The following TTC19 variants were observed in gnomAD, a reference collection of about 807,000 sequenced individuals.
TTC19 encodes the protein tetratricopeptide repeat domain 19, also known as tetratricopeptide repeat protein 19, mitochondrial.
In TTC19, 38 loss-of-function variants were observed where a neutral mutation model predicts 49.5. The observed-to-expected ratio is 0.77, with a 90% confidence interval of 0.59 to 1.01. The LOEUF is 1.01. TTC19 is among the 50% of genes least tolerant of loss of function. The pLI is 0.00. For synonymous variants in TTC19, 204 were observed against 185.2 expected, an observed-to-expected ratio of 1.10 and a Z score of -0.83; for missense variants, 475 against 477.7, an observed-to-expected ratio of 0.99 and a Z score of 0.05.
Position 16,027,775 on chromosome 17 carries a change from T to C in TTC19, c.*253T>C. On this transcript the variant is annotated 3_prime_UTR_variant, in exon 10 of 10. Coordinates refer to ENST00000261647, the MANE Select transcript of TTC19 (RefSeq NM_017775.4). Reference sequence around the variant, plus strand: ...ATGCTTTCAGTTGTAACACGTGACTTGGTGCTGTCCCTGCTGGTCTAAGTA... The same window carrying C: ...ATGCTTTCAGTTGTAACACGTGACTCGGTGCTGTCCCTGCTGGTCTAAGTA... 1 of 561,608 alleles carries C rather than the reference T, an allele frequency of 1.8e-6. No individual in the cohort carries two copies. The highest frequency in any genetic ancestry group is 3.4e-6 in the Non-Finnish European group (1 of 295,684). The allele number at this position is 561,608 out of a possible 1,614,324, so 34.8% of individuals were successfully genotyped here.
At chr17:16,016,184 T>C (rs956979951) in intron 7 of TTC19, among the ~76,000 whole-genome samples, 2 of 152,234 alleles carry the variant, frequency 1.3e-5, no homozygotes, top group Non-Finnish European at 2.9e-5. Flanking sequence ...CTGCATCTCA[T>C]TAATTTTGGT....
At chr17:16,004,314 G>A (rs749738146) in intron 6 of TTC19, 52 bp downstream of exon 6, 24 of 1,527,258 alleles carry the variant, frequency 1.6e-5, no homozygotes, top group Middle Eastern at 1.7e-4. Context: ...TTTGACTCTG[G>A]GATGTTACAT....
intron 7 of TTC19, chr17:16,023,351 CTTTTG>C (rs921771268): frequency 3.3e-5 from 5 of 152,132 alleles, no homozygotes; most frequent in African/African-American, 4.8e-5. Flanking sequence ...TATTCTTGTA[CTTTTG>C]TTTTACTACT....
intron 2 of TTC19, among the ~76,000 whole-genome samples, chr17:16,036,092 T>C (rs1198881422): frequency 6.6e-6 from 1 of 152,268 alleles, no homozygotes; most frequent in Admixed American, 6.5e-5. Flanking sequence ...TTATGAAATG[T>C]ATTTCTTAAA....
In TTC19 at chr17:16,012,021, CTT is replaced by C. The variant is rs376780749; in HGVS notation, c.676+5463_676+5464del. ...TTCTTTGATAAACAGTGAGGTTTATCTTTTTTTTTTTCTCACCATGTCTTAGG... is the reference window on the plus strand; with the variant it reads ...TTCTTTGATAAACAGTGAGGTTTATCTTTTTTTTTCTCACCATGTCTTAGG... On this transcript the variant is annotated intron_variant, in intron 7 of 9. Transcript: ENST00000261647. Among the ~76,000 whole-genome samples, 3 of 146,630 alleles carry C rather than the reference CTT, an allele frequency of 2.0e-5. No individual in the cohort carries two copies. In the South Asian group the frequency reaches 6.5e-4, roughly 32 times the overall value.
At chr17:16,035,675 G>A (rs1220835652) in intron 2 of TTC19, among the ~76,000 whole-genome samples, 1 of 151,696 alleles carries the variant, frequency 6.6e-6, no homozygotes. Flanking sequence ...CCAAGTAGCT[G>A]GGACCACAGG....
intron 7 of TTC19, among the ~76,000 whole-genome samples, chr17:16,016,447 T>A (rs907091186): frequency 6.6e-6 from 1 of 152,174 alleles, no homozygotes; most frequent in African/African-American, 2.4e-5. Context: ...GAGAAGTATG[T>A]GTATTCTGTT....
At chr17:16,041,085 C>T (rs1352833994) in intron 2 of TTC19, 1 of 152,560 alleles carries the variant, frequency 6.6e-6, no homozygotes, top group Non-Finnish European at 1.5e-5. Context: ...AAAGCCACCA[C>T]AGTGAATACT....
intron 4 of TTC19, among the ~76,000 whole-genome samples, chr17:16,003,414 C>T (rs1434600248): frequency 8.1e-6 from 1 of 122,960 alleles, no homozygotes; most frequent in Non-Finnish European, 1.7e-5. Context: ...CAACACTTGG[C>T]TAATTTTCTT....
Position 16,003,812 on chromosome 17 carries a change from C to A in TTC19, c.463-19C>A, listed in dbSNP as rs1389978740. 9.3e-6 allele frequency: 15 copies of A among 1,610,114 alleles called. No homozygotes were observed. The highest frequency in any genetic ancestry group is 2.2e-5 in the East Asian group (1 of 44,858). ...AATGGGGCCCAATTAAAAGAAAAAT[C>A]TTTTCCTTATGCTTTTAGGCTGAAC... On this transcript the variant is annotated intron_variant, in intron 4 of 9. Transcript: ENST00000261647.
At chr17:16,012,350 C>T (rs1021345137) in intron 7 of TTC19, among the ~76,000 whole-genome samples, 3 of 151,934 alleles carry the variant, frequency 2.0e-5, no homozygotes, top group Non-Finnish European at 2.9e-5. Context: ...CATGGTGTTG[C>T]GCACTTGTAG....
In TTC19 at chr17:16,006,513, A is replaced by C; in HGVS notation, c.621A>C (p.Ser207=). The change falls in exon 7 of 10, where the codon TCA becomes TCC. Residue 207 remains serine (S), a synonymous_variant. Transcript: ENST00000261647. ...TTGCTGGCTATGAATTCTGCATTTC[A>C]ACTCTAGAGGAAAAAATTGAAAGAG... ...FAVAGYEFCI[S]TLEEKIEREK... 1 of 1,613,904 alleles carries C rather than the reference A, an allele frequency of 6.2e-7. No individual in the cohort carries two copies. Among genetic ancestry groups the C allele is most frequent in the Non-Finnish European group, 8.5e-7 (1 of 1,179,830 alleles).
At chr17:16,014,823 T>C (rs1375114671) in intron 7 of TTC19, among the ~76,000 whole-genome samples, 3 of 152,196 alleles carry the variant, frequency 2.0e-5, no homozygotes, top group African/African-American at 7.2e-5. Flanking sequence ...CCACCCTTTA[T>C]AAAATTAGTT....
chr17:16,044,800 C>T (rs2058383483), exon 3 of TTC19: 2 of 1,118,810 alleles, frequency 1.8e-6, no homozygotes, highest in Admixed American at 3.4e-5. Flanking sequence ...GGAGCCTCAT[C>T]TACAATGTAG....
At chr17:16,002,895 GTAAGAGTACAGGC>G in intron 4 of TTC19, 64 bp downstream of exon 4, 1 of 1,453,346 alleles carries the variant, frequency 6.9e-7, no homozygotes, top group Non-Finnish European at 9.7e-7. Context: ...AACTGTAATA[GTAAGAGTACAGGC>G]TAAGCTGCTA....
Position 16,003,722 on chromosome 17 carries a change from G to A in TTC19, c.463-109G>A, listed in dbSNP as rs1350969498. ...TGAGTGTGCGTGTGTGTGGGTATAT[G>A]GGTTTTACAAGGAATGTTGCATCAG... is the stretch of plus-strand genomic sequence containing the variant. On this transcript the variant is annotated intron_variant, in intron 4 of 9. Coordinates refer to ENST00000261647, the MANE Select transcript of TTC19 (RefSeq NM_017775.4). 2.1e-5 allele frequency: 21 copies of A among 987,504 alleles called. 2 individuals carry two copies. The East Asian group carries it at 5.3e-4, about 25-fold the overall frequency. 61.2% of individuals were successfully genotyped at this position (987,504 alleles called of 1,614,324 possible). A position where few individuals can be genotyped will look rare whatever the true frequency, so the allele number is the denominator to read the frequency against.
intron 2 of TTC19, chr17:16,035,086 A>G: frequency 1.3e-6 from 1 of 771,010 alleles, no homozygotes. Flanking sequence ...ATGAAATAAA[A>G]TACTACAGGC....
At position 16,027,931 on chromosome 17, in the gene TTC19, C is replaced by T. The variant is rs1229413043; in HGVS notation, c.*409C>T. The T allele has an allele frequency of 2.2e-6, 1 of 455,374 alleles. No homozygotes were observed. Among genetic ancestry groups the T allele is most frequent in the East Asian group, 6.9e-5 (1 of 14,562 alleles). The allele number at this position is 455,374 out of a possible 1,614,324, so 28.2% of individuals were successfully genotyped here. On this transcript the variant is annotated 3_prime_UTR_variant, in exon 10 of 10. Coordinates refer to ENST00000261647, the MANE Select transcript of TTC19 (RefSeq NM_017775.4). ...TTCTCTTACTTTACTTTATCAATACCTGGCAAACTGACCAGAATTACCTTC... is the reference window on the plus strand; with the variant it reads ...TTCTCTTACTTTACTTTATCAATACTTGGCAAACTGACCAGAATTACCTTC...
In TTC19 at chr17:16,036,979, C is replaced by CT; in HGVS notation, c.248-7521dup. 2.0e-5 allele frequency among the ~76,000 whole-genome samples: 3 copies of CT among 152,340 alleles called. No homozygotes were observed. In the Middle Eastern group the frequency reaches 0.01, roughly 518 times the overall value. On this transcript the variant is annotated intron_variant, in intron 2 of 2. Coordinates refer to the TTC19 transcript ENST00000470649. ...CAGCCTGTCTTGGCTTTCAACATGC[C>CT]TTTCTCACTAAGCTTAATCATTTCT...
Sources: allele counts gnomAD v4.1 joint callset (sites outside exome capture counted in the v4.1 genomes callset), GRCh38; gene constraint gnomAD v4.1.1; transcripts MANE v1.5; gene names NCBI Gene and HGNC (gene_info 2026-07-23, HGNC 2026-07-21).